Variants in ADGRB3 observed in about 807,000 individuals in gnomAD.
The protein encoded by ADGRB3 is brain-specific angiogenesis inhibitor 3.
A neutral mutation model predicts 193.4 loss-of-function variants in ADGRB3; 37 were observed. The ratio of observed to expected loss-of-function variants is 0.19; its 90% CI spans 0.15 to 0.25. The LOEUF (loss-of-function observed/expected upper bound fraction) is 0.25. Among genes scored for constraint, ADGRB3 ranks in the 10% least tolerant of loss-of-function variants. ADGRB3 has a pLI of 1.00. For missense variants in ADGRB3, 1,637 were observed against 1,852.9 expected (o/e 0.88, Z 2.14); for synonymous variants, 690 against 644.2 (o/e 1.07, Z -1.08).
At chr6:68,958,436 T>C (rs535141742) in intron 8 of ADGRB3, among the ~76,000 whole-genome samples, 1 of 152,146 alleles carries the variant, frequency 6.6e-6, no homozygotes, top group South Asian at 2.1e-4. Flanking sequence ...CCCTTCAATA[T>C]TTGATGTTAT....
intron 3 of ADGRB3, among the ~76,000 whole-genome samples, chr6:68,925,537 T>G (rs887903784): frequency 5.3e-5 from 8 of 152,042 alleles, no homozygotes; most frequent in Non-Finnish European, 1.0e-4. Flanking sequence ...TTAATATTCT[T>G]TCTTGTTAGG....
chr6:69,225,179 A>G (rs1451568837), intron 17 of ADGRB3, among the ~76,000 whole-genome samples: 1 of 152,120 alleles, frequency 6.6e-6, no homozygotes, highest in African/African-American at 2.4e-5. Context: ...TGATATCACA[A>G]GATTTCTTTT....
intron 3 of ADGRB3, among the ~76,000 whole-genome samples, chr6:68,685,970 A>G (rs750243229): frequency 2.0e-5 from 3 of 152,200 alleles, no homozygotes; most frequent in Non-Finnish European, 4.4e-5. Flanking sequence ...ATACCAGTCC[A>G]TTCCTACAGA....
chr6:68,743,992 A>C (rs913039529), intron 3 of ADGRB3, among the ~76,000 whole-genome samples: 3 of 152,022 alleles, frequency 2.0e-5, no homozygotes, highest in Non-Finnish European at 4.4e-5. Flanking sequence ...ATATGTATAT[A>C]TGTATATATA....
intron 18 of ADGRB3, among the ~76,000 whole-genome samples, chr6:69,234,365 G>T (rs1381915005): frequency 6.6e-6 from 1 of 152,056 alleles, no homozygotes; most frequent in Non-Finnish European, 1.5e-5. Flanking sequence ...TCAAGGTCAT[G>T]CATTTAGGGA....
chr6:68,803,793 C>T (rs116950960), intron 3 of ADGRB3, among the ~76,000 whole-genome samples: 3,510 of 152,216 alleles, frequency 0.023, 68 homozygotes, highest in South Asian at 0.075. Context: ...TTTCTATTTA[C>T]CTTCAGTTCA....
intron 17 of ADGRB3, among the ~76,000 whole-genome samples, chr6:69,226,285 A>G (rs1766013246): frequency 6.6e-6 from 1 of 152,222 alleles, no homozygotes; most frequent in African/African-American, 2.4e-5. Context: ...CATCATATTT[A>G]ATGATGAATA....
rs1770054714 is a variant in ADGRB3 at position 69,015,247 on chromosome 6, AC to A, written c.1998+1142del. 5.9e-5 allele frequency among the ~76,000 whole-genome samples: 9 copies of A among 152,140 alleles called. No homozygotes were observed. In the South Asian group the frequency reaches 1.9e-3, roughly 31 times the overall value. ...TATGTAATATCCTATCTAAAACAAGACTGCAATTTATCAGATGCTGTTATTT... is the reference window on the plus strand; with the variant it reads ...TATGTAATATCCTATCTAAAACAAGATGCAATTTATCAGATGCTGTTATTT... On this transcript the variant is annotated intron_variant, in intron 12 of 31. Transcript: ENST00000370598.
intron 20 of ADGRB3, among the ~76,000 whole-genome samples, chr6:69,307,757 T>C (rs2127299099): frequency 6.6e-6 from 1 of 151,576 alleles, no homozygotes; most frequent in South Asian, 2.1e-4. Context: ...TGTCTAGTTA[T>C]CTAGTTTACT....
intron 3 of ADGRB3, among the ~76,000 whole-genome samples, chr6:68,765,706 T>G (rs537207006): frequency 6.6e-6 from 1 of 152,102 alleles, no homozygotes; most frequent in Non-Finnish European, 1.5e-5. Context: ...TATTCCCATG[T>G]GATACTATGC....
intron 3 of ADGRB3, among the ~76,000 whole-genome samples, chr6:68,701,877 A>AT (rs1210308943): frequency 1.3e-5 from 2 of 152,142 alleles, no homozygotes; most frequent in Admixed American, 6.6e-5. Flanking sequence ...CACTATCCTA[A>AT]TTACTCTTTA....
rs186013318 is a variant in ADGRB3, at chr6:68,956,114, C to T, written c.1286C>T (p.Ala429Val). 3 of 1,613,972 alleles carry T rather than the reference C, an allele frequency of 1.9e-6. No homozygotes were observed. The highest frequency in any genetic ancestry group is 2.5e-6 in the Non-Finnish European group (3 of 1,179,946). ...GTQQRSRQCT[A>V]AAHGGSECRG... ...CAGCAGAGAAGCCGGCAGTGCACTG[C>T]AGCTGCCCATGGAGGCTCCGAATGC... is the stretch of plus-strand genomic sequence containing the variant. The change falls in exon 7 of 32, where the codon GCA becomes GTA. Residue 429 changes from alanine (A) to valine (V), a missense_variant. Physicochemically the swap from Ala to Val is moderately conservative, Grantham distance 64. Coordinates refer to ENST00000370598, the MANE Select transcript of ADGRB3 (RefSeq NM_001704.3).
chr6:68,678,468 A>G (rs187637089), intron 3 of ADGRB3, among the ~76,000 whole-genome samples: 2 of 152,104 alleles, frequency 1.3e-5, no homozygotes, highest in African/African-American at 4.8e-5. Flanking sequence ...GACCTTGTCC[A>G]CCCCTTCAGC....
At chr6:69,345,577 A>G (rs1232090427) in intron 26 of ADGRB3, among the ~76,000 whole-genome samples, 1 of 152,190 alleles carries the variant, frequency 6.6e-6, no homozygotes, top group East Asian at 1.9e-4. Flanking sequence ...ACAATTCTCA[A>G]TAAACTAGGT....
At chr6:68,760,227 G>A (rs188337737) in intron 3 of ADGRB3, among the ~76,000 whole-genome samples, 1 of 152,236 alleles carries the variant, frequency 6.6e-6, no homozygotes, top group East Asian at 1.9e-4. Context: ...CATTTAGAAT[G>A]TGAATTATTT....
intron 17 of ADGRB3, among the ~76,000 whole-genome samples, chr6:69,221,250 CT>C (rs749032978): frequency 6.6e-5 from 10 of 152,060 alleles, no homozygotes; most frequent in Non-Finnish European, 1.3e-4. Context: ...GAATATTGCC[CT>C]TTCAGATCTT....
At chr6:69,244,751 C>T (rs966494420) in intron 20 of ADGRB3, among the ~76,000 whole-genome samples, 2 of 152,032 alleles carry the variant, frequency 1.3e-5, no homozygotes, top group African/African-American at 2.4e-5. Context: ...TTAAGCATGA[C>T]ACCCTGCATC....
At chr6:68,758,295 C>T (rs1156771204) in intron 3 of ADGRB3, among the ~76,000 whole-genome samples, 1 of 152,162 alleles carries the variant, frequency 6.6e-6, no homozygotes, top group Non-Finnish European at 1.5e-5. Flanking sequence ...ATCATCCCAT[C>T]GTCATGGCCA....
At chr6:69,303,954 T>C (rs1325728793) in intron 20 of ADGRB3, among the ~76,000 whole-genome samples, 1 of 151,976 alleles carries the variant, frequency 6.6e-6, no homozygotes, top group African/African-American at 2.4e-5. Context: ...GAAGCCTCTT[T>C]ATTCAAATAA....
Sources: allele counts gnomAD v4.1 joint callset (sites outside exome capture counted in the v4.1 genomes callset), GRCh38; gene constraint gnomAD v4.1.1; transcripts MANE v1.5; gene names NCBI Gene and HGNC (gene_info 2026-07-23, HGNC 2026-07-21).